DDX25: variants seen among roughly 807,000 people sequenced by gnomAD.
DDX25 encodes the protein ATP-dependent RNA helicase DDX25.
Under a neutral mutation model 64.6 loss-of-function variants are expected in DDX25, and 70 were observed. The ratio of observed to expected loss-of-function variants is 1.08; its 90% CI spans 0.89 to 1.32. The LOEUF is 1.32. Ranked by LOEUF, DDX25 falls within the 40% of genes most tolerant of loss-of-function variation. The pLI is 0.00. For synonymous variants in DDX25, 211 were observed against 213.3 expected (o/e 0.99, Z 0.09); for missense variants, 587 against 604.4 (o/e 0.97, Z 0.30).
chr11:125,927,182 C>T lies in DDX25; in HGVS notation c.*4301C>T, dbSNP rs551842700. On this transcript the variant is annotated 3_prime_UTR_variant, in exon 12 of 12. Coordinates refer to ENST00000263576, the MANE Select transcript of DDX25 (RefSeq NM_013264.5). ...CCTTTAAACATTAAACTTTTAGATT[C>T]TTCTAGTGAAATACAGAAAACACAC... is the stretch of plus-strand genomic sequence containing the variant. 1 of 152,338 alleles carries T rather than the reference C, an allele frequency of 6.6e-6. No homozygotes were observed. The highest frequency in any genetic ancestry group is 2.4e-5 in the African/African-American group (1 of 41,576). 9.4% of individuals were successfully genotyped at this position (152,338 alleles called of 1,614,324 possible). A position where few individuals can be genotyped will look rare whatever the true frequency, so the allele number is the denominator to read the frequency against.
chr11:125,905,220 C>T lies in DDX25; in HGVS notation c.72C>T (p.Asn24=), dbSNP rs1338078325. The T allele has an allele frequency of 6.4e-7, 1 of 1,551,546 alleles. No individual in the cohort carries two copies. The highest frequency in any genetic ancestry group is 8.7e-7 in the Non-Finnish European group (1 of 1,146,984). Residue 24 remains asparagine, a synonymous_variant, in exon 2 of 12, where the codon AAC becomes AAT. Transcript: ENST00000263576. ...ESERLNSHFS[N]LSQPRKNLWG... ...TTTGTGTCTCTCAATAGTTTTCAAA[C>T]CTCAGCCAACCCCGGAAGAACCTTT...
In DDX25 at chr11:125,918,727, A is replaced by G; in HGVS notation, c.1138A>G (p.Ile380Val). The G allele has an allele frequency of 6.2e-7, 1 of 1,613,110 alleles. No homozygotes were observed. Among genetic ancestry groups the G allele is most frequent in the South Asian group, 1.1e-5 (1 of 90,802 alleles). Residue 380 changes from isoleucine (I) to valine (V), a missense_variant, in exon 10 of 12, where the codon ATC becomes GTC. Coordinates refer to ENST00000263576, the MANE Select transcript of DDX25 (RefSeq NM_013264.5). ...GCTGACCGTGGAGCAGCGAGCTTCC[A>G]TCATTCAGAGGTTTCGGGATGGGAA... ...GELTVEQRASIIQRFRDGKEK... is the reference protein window; with the variant it reads ...GELTVEQRASVIQRFRDGKEK...
chr11:125,904,654 G>C (rs936942844), intron 1 of DDX25, 74 bp downstream of exon 1: 77 of 1,414,454 alleles, frequency 5.4e-5, no homozygotes, highest in Non-Finnish European at 6.5e-5. Context: ...TCGGCTGGGA[G>C]GGGAGGGAGA....
At chr11:125,919,805 CAG>C (rs2134284173) in intron 10 of DDX25, among the ~76,000 whole-genome samples, 1 of 152,350 alleles carries the variant, frequency 6.6e-6, no homozygotes, top group East Asian at 1.9e-4. Context: ...CACTATTCAA[CAG>C]AGCTTTCTGC....
intron 10 of DDX25, among the ~76,000 whole-genome samples, chr11:125,919,322 T>TG (rs1406511328): frequency 6.6e-6 from 1 of 152,178 alleles, no homozygotes; most frequent in African/African-American, 2.4e-5. Context: ...GTGGGGTTGT[T>TG]GGGCCCTATG....
In DDX25 at chr11:125,921,104, A is replaced by C; in HGVS notation, c.1202-87A>C. 2.3e-6 allele frequency: 3 copies of C among 1,314,248 alleles called. No homozygotes were observed. The highest frequency in any genetic ancestry group is 3.1e-6 in the Non-Finnish European group (3 of 982,108). The allele number at this position is 1,314,248 out of a possible 1,614,324, so 81.4% of individuals were successfully genotyped here. ...GGATTTCTAAATTTTCTCTATAAAT[A>C]GGAATTCCCTTGGCAGACGTGGTAC... is the stretch of plus-strand genomic sequence containing the variant. On this transcript the variant is annotated intron_variant, in intron 10 of 11. Transcript: ENST00000263576. The surrounding 1 kb of genome is among the most constrained non-coding windows in gnomAD (Gnocchi z 4.1).
chr11:125,918,071 G>A (rs141859903), intron 9 of DDX25, among the ~76,000 whole-genome samples: 1 of 152,006 alleles, frequency 6.6e-6, no homozygotes, highest in Non-Finnish European at 1.5e-5. Flanking sequence ...AGTAGAGACG[G>A]GGTTTCACCA....
chr11:125,918,899 C>T, intron 10 of DDX25, 109 bp downstream of exon 10: 1 of 1,265,046 alleles, frequency 7.9e-7, no homozygotes, highest in Non-Finnish European at 1.1e-6. Context: ...ATGCAGCTAT[C>T]ACTGTCATCA....
upstream of DDX25, chr11:125,903,372 G>T: frequency 4.0e-6 from 1 of 248,822 alleles, no homozygotes; most frequent in Non-Finnish European, 6.4e-6. Flanking sequence ...ATCTGGGCCT[G>T]TGGCGGGACA....
At chr11:125,913,175 A>G (rs929907451) in intron 8 of DDX25, among the ~76,000 whole-genome samples, 1 of 150,994 alleles carries the variant, frequency 6.6e-6, no homozygotes, top group Admixed American at 6.6e-5. Flanking sequence ...AAAAAAAAAA[A>G]CCATCCATTT....
At chr11:125,906,008 A>G (rs746303582) in intron 3 of DDX25, 66 bp from the exon 4 acceptor site, 125 of 1,485,080 alleles carry the variant, frequency 8.4e-5, no homozygotes, top group Non-Finnish European at 1.0e-4. Context: ...ACTGAAAGAG[A>G]AAGAGCAACT....
rs1054199923 is a variant in DDX25, at chr11:125,910,526, C to T, written c.622+48C>T. On this transcript the variant is annotated intron_variant, in intron 7 of 11. Coordinates refer to ENST00000263576, the MANE Select transcript of DDX25 (RefSeq NM_013264.5). ...TGGCTGATTTTTCAAATCCTGGCTTCACCACGAATAAGCATTTTATATAAC... is the reference window on the plus strand; with the variant it reads ...TGGCTGATTTTTCAAATCCTGGCTTTACCACGAATAAGCATTTTATATAAC... 4 of 1,538,276 alleles carry T rather than the reference C, an allele frequency of 2.6e-6. No homozygotes were observed. The African/African-American group carries it at 5.5e-5, about 21-fold the overall frequency.
At chr11:125,904,293 T>C (rs1944841080), upstream of DDX25, 1 of 363,894 alleles carries the variant, frequency 2.7e-6, no homozygotes, top group Non-Finnish European at 4.9e-6. Context: ...TCCGCCCCGC[T>C]CTCTGCCCTC....
rs1945168141 is a variant in DDX25, at chr11:125,926,416, TCA to T, written c.*3538_*3539del. 6.6e-6 allele frequency: 1 copy of T among 152,240 alleles called. No individual in the cohort carries two copies. Among genetic ancestry groups the T allele is most frequent in the Admixed American group, 6.5e-5 (1 of 15,288 alleles). 9.4% of individuals were successfully genotyped at this position (152,240 alleles called of 1,614,324 possible). On this transcript the variant is annotated 3_prime_UTR_variant, in exon 12 of 12. Coordinates refer to ENST00000263576, the MANE Select transcript of DDX25 (RefSeq NM_013264.5). The stretch of plus-strand genomic sequence containing the variant: ...TATTAACCCACAGACTATGAAATCA[TCA>T]CAGTCTTGTTCTATGCTACAGGGAA...
intron 10 of DDX25, among the ~76,000 whole-genome samples, chr11:125,920,282 C>T (rs777513804): frequency 2.0e-5 from 3 of 152,018 alleles, no homozygotes; most frequent in Non-Finnish European, 4.4e-5. Context: ...ACTAAAAATA[C>T]AAAAATTAGC....
At position 125,911,423 on chromosome 11, in the gene DDX25, C is replaced by T. The variant is rs772486122; in HGVS notation, c.735C>T (p.Val245=). 4 of 1,613,748 alleles carry T rather than the reference C, an allele frequency of 2.5e-6. No homozygotes were observed. In the African/African-American group the frequency reaches 4.0e-5, roughly 16 times the overall value. ...ATTTGACTAAGATTCGTGTGTTTGT[C>T]CTGGATGAAGCAGATGTGATGATTG... ...LIDLTKIRVF[V]LDEADVMIDT... Residue 245 remains valine (V), a synonymous_variant, in exon 8 of 12, where the codon GTC becomes GTT. Coordinates refer to ENST00000263576, the MANE Select transcript of DDX25 (RefSeq NM_013264.5).
chr11:125,915,912 T>C (rs925302514), intron 8 of DDX25, among the ~76,000 whole-genome samples: 4 of 152,212 alleles, frequency 2.6e-5, no homozygotes, highest in African/African-American at 7.2e-5. Flanking sequence ...AGATAACTTA[T>C]CCACCAGTTT....
intron 4 of DDX25, 125 bp from the exon 5 acceptor site, chr11:125,908,071 T>G: frequency 1.4e-6 from 1 of 730,878 alleles, no homozygotes; most frequent in South Asian, 1.9e-5. Flanking sequence ...ATGATCTATC[T>G]CCAAATACTA....
chr11:125,909,302 A>G (rs1347327569), intron 6 of DDX25, among the ~76,000 whole-genome samples: 1 of 152,204 alleles, frequency 6.6e-6, no homozygotes, highest in East Asian at 1.9e-4. Context: ...GTTCAGTGAA[A>G]TTTATGTTTA....
Sources: allele counts gnomAD v4.1 joint callset (sites outside exome capture counted in the v4.1 genomes callset), GRCh38; gene constraint gnomAD v4.1.1; non-coding constraint Gnocchi (gnomAD v3.1); transcripts MANE v1.5; gene names NCBI Gene and HGNC (gene_info 2026-07-23, HGNC 2026-07-21).